The following AFF3 variants were observed in gnomAD, a reference collection of about 807,000 sequenced individuals.
The protein encoded by AFF3 is ALF transcription elongation factor 3.
A neutral mutation model predicts 129.7 loss-of-function variants in AFF3; 32 were observed. That is an observed-to-expected ratio of 0.25 (90% CI 0.19 to 0.33). The LOEUF is 0.33. Among genes scored for constraint, AFF3 ranks in the 10% least tolerant of loss-of-function variants. The pLI is 1.00. For missense variants in AFF3, 1,373 were observed against 1,592.0 expected, an observed-to-expected ratio of 0.86 and a Z score of 2.34; for synonymous variants, 644 against 635.4, an observed-to-expected ratio of 1.01 and a Z score of -0.20.
chr2:99,915,028 C>T (rs1695382111), intron 7 of AFF3, among the ~76,000 whole-genome samples: 1 of 152,036 alleles, frequency 6.6e-6, no homozygotes, highest in Admixed American at 6.6e-5. Flanking sequence ...AGGGGCAGAT[C>T]AGGCAGGGTA....
chr2:100,134,345 A>G (rs575971704), intron 1 of AFF3, among the ~76,000 whole-genome samples: 22 of 152,086 alleles, frequency 1.4e-4, no homozygotes, highest in Non-Finnish European at 2.9e-4. Context: ...ATAAAGTAAA[A>G]TTTTTCTTCC....
At chr2:100,073,420 A>G (rs1167697988) in intron 4 of AFF3, among the ~76,000 whole-genome samples, 1 of 152,064 alleles carries the variant, frequency 6.6e-6, no homozygotes, top group Non-Finnish European at 1.5e-5. Flanking sequence ...ATTCTCCCTC[A>G]CCACCCTCAG....
rs1218082072 is a variant in AFF3, at chr2:99,739,662, CT to C, written c.1039+4441del. On this transcript the variant is annotated intron_variant, in intron 10 of 24. Transcript: ENST00000672756. ...GAAAGTCATTTTCTGTTTATACAAT[CT>C]TTCCTTTAGTATCTATAATACAGTC... Among the ~76,000 whole-genome samples, 4 of 152,206 alleles carry C rather than the reference CT, an allele frequency of 2.6e-5. No homozygotes were observed. In the East Asian group the frequency reaches 7.7e-4, roughly 29 times the overall value.
intron 7 of AFF3, among the ~76,000 whole-genome samples, chr2:99,940,362 TG>T (rs914665354): frequency 6.6e-6 from 1 of 152,130 alleles, no homozygotes; most frequent in African/African-American, 2.4e-5. Flanking sequence ...AAAATGAGGC[TG>T]AAACCTACTG....
chr2:99,718,899 C>T (rs1293259487), intron 11 of AFF3, among the ~76,000 whole-genome samples: 11 of 151,744 alleles, frequency 7.2e-5, no homozygotes, highest in Non-Finnish European at 1.2e-4. Context: ...TACAGGTGCC[C>T]GCCACCATGC....
At chr2:99,910,103 G>C (rs1695010524) in intron 7 of AFF3, among the ~76,000 whole-genome samples, 1 of 152,146 alleles carries the variant, frequency 6.6e-6, no homozygotes, top group African/African-American at 2.4e-5. Flanking sequence ...AAAATGTACT[G>C]ATTTGGATTG....
At chr2:99,716,186 G>A (rs1289131310) in intron 11 of AFF3, among the ~76,000 whole-genome samples, 1 of 152,082 alleles carries the variant, frequency 6.6e-6, no homozygotes, top group Non-Finnish European at 1.5e-5. Context: ...ATCTTCATCT[G>A]CTCATTATTC....
At chr2:99,999,795 C>T (rs913604396) in intron 7 of AFF3, among the ~76,000 whole-genome samples, 1 of 152,184 alleles carries the variant, frequency 6.6e-6, no homozygotes, top group African/African-American at 2.4e-5. Flanking sequence ...GGCACCAGGC[C>T]ATCTGGCCAG....
chr2:99,880,833 C>T lies in AFF3; in HGVS notation c.874-43309G>A, dbSNP rs142859145. On this transcript the variant is annotated intron_variant, in intron 7 of 24. Transcript: ENST00000672756. ...ACAGATGACGGAGTGCTGTTTGGGA[C>T]GAGCAGTTGGAGGAGGCAAAGGAAA... 1.2e-3 allele frequency among the ~76,000 whole-genome samples: 189 copies of T among 152,128 alleles called. 1 individual carries two copies. The highest frequency in any genetic ancestry group is 4.0e-3 in the African/African-American group (165 of 41,490).
chr2:100,070,745 C>T (rs568312073), intron 4 of AFF3, among the ~76,000 whole-genome samples: 6 of 152,278 alleles, frequency 3.9e-5, no homozygotes, highest in African/African-American at 1.4e-4. Flanking sequence ...CATTTCTCTA[C>T]GCTCATTTCT....
intron 11 of AFF3, among the ~76,000 whole-genome samples, chr2:99,684,006 T>C (rs944425038): frequency 1.3e-5 from 2 of 152,204 alleles, no homozygotes; most frequent in Non-Finnish European, 2.9e-5. Flanking sequence ...AGTTCCCCAG[T>C]GTCCTTCCAA....
At chr2:99,627,990 G>A (rs1167090665) in intron 13 of AFF3, among the ~76,000 whole-genome samples, 2 of 152,108 alleles carry the variant, frequency 1.3e-5, no homozygotes, top group Non-Finnish European at 2.9e-5. Flanking sequence ...TTGAAGTTGG[G>A]TAGTACGATG....
chr2:100,140,567 A>G (rs958754840), intron 1 of AFF3, among the ~76,000 whole-genome samples: 1 of 152,182 alleles, frequency 6.6e-6, no homozygotes, highest in African/African-American at 2.4e-5. Context: ...AATAAGCATA[A>G]TTGCAATGGC....
intron 8 of AFF3, among the ~76,000 whole-genome samples, chr2:99,829,448 C>A (rs1359340753): frequency 6.6e-6 from 1 of 152,104 alleles, no homozygotes; most frequent in African/African-American, 2.4e-5. Flanking sequence ...AAGAAAAAAA[C>A]AACCCCATCA....
intron 7 of AFF3, among the ~76,000 whole-genome samples, chr2:99,904,525 T>TTGTCTCAC (rs1359654744): frequency 6.6e-6 from 1 of 152,184 alleles, no homozygotes; most frequent in Non-Finnish European, 1.5e-5. Flanking sequence ...CAAACACTAG[T>TTGTCTCAC]TGATATAACA....
intron 13 of AFF3, among the ~76,000 whole-genome samples, chr2:99,639,671 G>A (rs1163842594): frequency 1.3e-5 from 2 of 148,732 alleles, no homozygotes; most frequent in African/African-American, 5.0e-5. Context: ...ACTTTTTTAT[G>A]TATTTATTTT....
chr2:99,580,522 G>A (rs1333001682), intron 17 of AFF3, among the ~76,000 whole-genome samples: 1 of 152,130 alleles, frequency 6.6e-6, no homozygotes, highest in Non-Finnish European at 1.5e-5. Flanking sequence ...CTGGGTGGAG[G>A]CCAGGGATGC....
chr2:99,724,377 A>G (rs562874998), intron 11 of AFF3, among the ~76,000 whole-genome samples: 2 of 146,850 alleles, frequency 1.4e-5, no homozygotes, highest in East Asian at 4.1e-4. Context: ...GGTTCAAGCA[A>G]TTCTCCTGCC....
At chr2:99,780,306 C>G (rs1312414664) in intron 8 of AFF3, among the ~76,000 whole-genome samples, 1 of 152,224 alleles carries the variant, frequency 6.6e-6, no homozygotes, top group Non-Finnish European at 1.5e-5. Flanking sequence ...AGCGCTCTGT[C>G]TGAGTAAATA....
Sources: allele counts gnomAD v4.1 joint callset (sites outside exome capture counted in the v4.1 genomes callset), GRCh38; gene constraint gnomAD v4.1.1; transcripts MANE v1.5; gene names NCBI Gene and HGNC (gene_info 2026-07-23, HGNC 2026-07-21).